Variants in MYLK observed in about 807,000 individuals in gnomAD.
The protein encoded by MYLK is myosin light chain kinase.
MYLK carries 106 observed loss-of-function variants against 203.4 expected under a neutral mutation model. That is an observed-to-expected ratio of 0.52 (90% confidence interval 0.45 to 0.61). The LOEUF is 0.61. MYLK is among the 20% of genes least tolerant of loss of function. The probability of loss-of-function intolerance (pLI) is 0.00; values close to 1 mark genes in which losing one functional copy is unlikely to be tolerated. For synonymous variants in MYLK, 867 were observed against 959.5 expected, an observed-to-expected ratio of 0.90 and a Z score of 1.78; for missense variants, 2,072 against 2,442.3, an observed-to-expected ratio of 0.85 and a Z score of 3.20.
chr3:123,735,515 G>A, intron 8 of MYLK, 99 bp from the exon 9 acceptor site: 1 of 1,379,180 alleles, frequency 7.3e-7, no homozygotes, highest in Non-Finnish European at 1.0e-6. Flanking sequence ...GTCCCACCCT[G>A]CTGGCTCCTT....
chr3:123,650,753 T>C (rs534055002), intron 24 of MYLK, among the ~76,000 whole-genome samples: 5 of 152,190 alleles, frequency 3.3e-5, no homozygotes, highest in Non-Finnish European at 7.3e-5. Flanking sequence ...AAGAGTGGCA[T>C]TGTCCAATTC....
At chr3:123,637,329 A>G (rs897153582) in intron 29 of MYLK, among the ~76,000 whole-genome samples, 7 of 151,936 alleles carry the variant, frequency 4.6e-5, no homozygotes, top group Non-Finnish European at 8.8e-5. Context: ...ACATTCACAA[A>G]CCTAGAGCCT....
chr3:123,626,056 A>G (rs1298525127), intron 31 of MYLK, among the ~76,000 whole-genome samples: 1 of 152,090 alleles, frequency 6.6e-6, no homozygotes, highest in African/African-American at 2.4e-5. Flanking sequence ...CTCTGCCTCA[A>G]TTTTGTCTGT....
chr3:123,765,061 A>G (rs552882994), intron 4 of MYLK, among the ~76,000 whole-genome samples: 1 of 152,218 alleles, frequency 6.6e-6, no homozygotes, highest in African/African-American at 2.4e-5. Flanking sequence ...AAAAAAAGCA[A>G]TAGAAAATAA....
chr3:123,855,805 A>C (rs1289376160), intron 2 of MYLK, among the ~76,000 whole-genome samples: 6 of 152,126 alleles, frequency 3.9e-5, no homozygotes, highest in Non-Finnish European at 7.4e-5. Flanking sequence ...AACCAAAGCA[A>C]ATAGACCCCG....
chr3:123,870,967 G>A (rs1042292813), intron 2 of MYLK, among the ~76,000 whole-genome samples: 1 of 152,122 alleles, frequency 6.6e-6, no homozygotes, highest in African/African-American at 2.4e-5. Flanking sequence ...CATATTGGGA[G>A]GCAGATGAGC....
At chr3:123,787,803 T>A (rs768373150) in intron 4 of MYLK, among the ~76,000 whole-genome samples, 2 of 152,184 alleles carry the variant, frequency 1.3e-5, no homozygotes, top group Non-Finnish European at 2.9e-5. Context: ...GTTAGTCCCC[T>A]TTCTATCATA....
In MYLK at chr3:123,617,063, T is replaced by C. The variant is rs1371981070; in HGVS notation, c.5500+1576A>G. On this transcript the variant is annotated intron_variant, in intron 33 of 33. Coordinates refer to ENST00000360304, the MANE Select transcript of MYLK (RefSeq NM_053025.4). ...AGGAACACCCAGACCATGAGGAAAA[T>C]TGGGTCAGGAAGAGCTGGTCATAAA... 5.3e-5 allele frequency: 8 copies of C among 152,180 alleles called. No individual in the cohort carries two copies. In the East Asian group the frequency reaches 1.2e-3, roughly 22 times the overall value. The allele number at this position is 152,180 out of a possible 1,614,324, so 9.4% of individuals were successfully genotyped here.
intron 20 of MYLK, among the ~76,000 whole-genome samples, chr3:123,680,110 C>G (rs2060211364): frequency 6.6e-6 from 1 of 152,232 alleles, no homozygotes. Context: ...GAATATAACA[C>G]ACAGCCAGGG....
chr3:123,788,965 A>C (rs2064659150), intron 4 of MYLK, among the ~76,000 whole-genome samples: 1 of 152,140 alleles, frequency 6.6e-6, no homozygotes, highest in African/African-American at 2.4e-5. Flanking sequence ...GATAAGAATA[A>C]ATTCCAGGGT....
intron 9 of MYLK, 35 bp downstream of exon 9, chr3:123,735,363 A>G: frequency 1.2e-6 from 2 of 1,613,518 alleles, no homozygotes; most frequent in Non-Finnish European, 1.7e-6. Flanking sequence ...GCATTTCAAG[A>G]GGGAAAACGT....
intron 2 of MYLK, among the ~76,000 whole-genome samples, chr3:123,850,520 C>T (rs2030651490): frequency 6.6e-6 from 1 of 152,200 alleles, no homozygotes; most frequent in East Asian, 1.9e-4. Context: ...TTTCATTTGT[C>T]TTTTGGCTGC....
At chr3:123,864,413 T>C (rs1029019219) in intron 2 of MYLK, among the ~76,000 whole-genome samples, 28 of 152,198 alleles carry the variant, frequency 1.8e-4, no homozygotes, top group Non-Finnish European at 3.4e-4. Context: ...CTTAAGTATT[T>C]AGGGGAATGT....
intron 2 of MYLK, among the ~76,000 whole-genome samples, chr3:123,839,107 C>CA (rs2066535560): frequency 1.3e-5 from 2 of 151,672 alleles, no homozygotes. Context: ...CAAAACAAAA[C>CA]AAACAAACAA....
chr3:123,640,651 C>A lies in MYLK; in HGVS notation c.4620-147G>T. ...TGATGGGCAATTCCTGAATCCCCAC[C>A]CTCCGACATGGGAGAAGGGTCAGGG... On this transcript the variant is annotated intron_variant, in intron 27 of 33. Coordinates refer to ENST00000360304, the MANE Select transcript of MYLK (RefSeq NM_053025.4). This position sits in a 1 kb window ranked among gnomAD's most constrained non-coding sequence, Gnocchi z 4.3. 1 of 827,290 alleles carries A rather than the reference C, an allele frequency of 1.2e-6. No homozygotes were observed. The highest frequency in any genetic ancestry group is 2.0e-6 in the Non-Finnish European group (1 of 498,324). 51.2% of individuals were successfully genotyped at this position (827,290 alleles called of 1,614,324 possible).
In MYLK at chr3:123,884,278, G is replaced by T. The variant is rs1484838887; in HGVS notation, c.-258C>A. 1 of 147,718 alleles carries T rather than the reference G, an allele frequency of 6.8e-6. No homozygotes were observed. The highest frequency in any genetic ancestry group is 6.7e-5 in the Admixed American group (1 of 14,876). 9.2% of individuals were successfully genotyped at this position (147,718 alleles called of 1,614,324 possible). A position where few individuals can be genotyped will look rare whatever the true frequency, so the allele number is the denominator to read the frequency against. ...GGCGCCCCGGCCGCAGGCGCACAGC[G>T]CGGGCTCCGAGCTCGCTCAGCGCCC... is the stretch of plus-strand genomic sequence containing the variant. On this transcript the variant is annotated 5_prime_UTR_variant, in exon 1 of 34. Coordinates refer to ENST00000360304, the MANE Select transcript of MYLK (RefSeq NM_053025.4).
intron 10 of MYLK, 66 bp from the exon 11 acceptor site, chr3:123,733,168 G>T (rs1364218448): frequency 7.8e-6 from 12 of 1,540,136 alleles, no homozygotes; most frequent in Non-Finnish European, 8.0e-6. Flanking sequence ...TTGTGAGGTA[G>T]GTGGGGAAGG....
intron 19 of MYLK, among the ~76,000 whole-genome samples, chr3:123,687,031 G>A (rs1336407616): frequency 6.6e-6 from 1 of 152,092 alleles, no homozygotes; most frequent in African/African-American, 2.4e-5. Flanking sequence ...AGACCAGACT[G>A]GCCAACATGG....
Position 123,666,366 on chromosome 3 carries a change from A to AT in MYLK, c.3704-21_3704-20insA, listed in dbSNP as rs2059734346. ...GCATTGCTGAGGGAGGACAGGGAGA[A>AT]AGTGAGCGAGGCAGAAGGGTCTCAG... On this transcript the variant is annotated intron_variant, in intron 21 of 33. Coordinates refer to ENST00000360304, the MANE Select transcript of MYLK (RefSeq NM_053025.4). 6.2e-7 allele frequency: 1 copy of AT among 1,613,996 alleles called. No individual in the cohort carries two copies. The highest frequency in any genetic ancestry group is 8.5e-7 in the Non-Finnish European group (1 of 1,180,002).
Sources: gnomAD v4.1 joint callset for allele counts (sites outside exome capture counted in the v4.1 genomes callset) on GRCh38, gnomAD v4.1.1 for gene constraint, Gnocchi (gnomAD v3.1) non-coding constraint, MANE v1.5 for transcripts, NCBI Gene and HGNC (gene_info 2026-07-23, HGNC 2026-07-21) for gene names.